Variants in C2orf66 observed in about 807,000 individuals in gnomAD.
C2orf66 encodes the protein uncharacterized protein C2orf66.
A neutral mutation model predicts 7.0 loss-of-function variants in C2orf66; 6 were observed. That is an observed-to-expected ratio of 0.86 (90% CI 0.47 to 1.69). The LOEUF is 1.69. Among genes scored for constraint, C2orf66 ranks in the 40% most tolerant of loss-of-function variants. The pLI is 0.01. For missense variants in C2orf66, 107 were observed against 112.0 expected, an observed-to-expected ratio of 0.96 and a Z score of 0.20; for synonymous variants, 38 against 43.8, an observed-to-expected ratio of 0.87 and a Z score of 0.52.
chr2:196,831,819 T>A, the C2orf66 span, among the ~76,000 whole-genome samples: 4 of 152,078 alleles, frequency 2.6e-5, no homozygotes, highest in African/African-American at 9.7e-5. Context: ...TTATCCCCCT[T>A]ATAAGGTTAT....
the C2orf66 span, among the ~76,000 whole-genome samples, chr2:196,814,716 G>C: frequency 1.3e-5 from 2 of 152,034 alleles, no homozygotes; most frequent in Non-Finnish European, 2.9e-5. Flanking sequence ...AGGAAATACT[G>C]GCTGAATAAA....
Position 196,805,368 on chromosome 2 carries a change from T to A in C2orf66, c.*60A>T, listed in dbSNP as rs997400774. The A allele has an allele frequency of 6.6e-6, 1 of 152,170 alleles. No individual in the cohort carries two copies. The highest frequency in any genetic ancestry group is 2.4e-5 in the African/African-American group (1 of 41,456). The allele number at this position is 152,170 out of a possible 1,614,324, so 9.4% of individuals were successfully genotyped here. ...AGCTATGACAATGGTTGAATTTTTC[T>A]AATGAGAAGCTTCATCTGTAGTTTT... On this transcript the variant is annotated 3_prime_UTR_variant, in exon 3 of 3. Transcript: ENST00000342506.
At chr2:196,807,375 G>T in intron 2 of C2orf66, 49 bp downstream of exon 2, 1 of 1,059,206 alleles carries the variant, frequency 9.4e-7, no homozygotes, top group Non-Finnish European at 1.4e-6. Context: ...TCTACTTTAT[G>T]GCTGACTTGT....
At chr2:196,805,601 G>C (rs1405301966) in intron 2 of C2orf66, among the ~76,000 whole-genome samples, 193 bp from the exon 3 acceptor site, 2 of 151,470 alleles carry the variant, frequency 1.3e-5, no homozygotes, top group African/African-American at 4.9e-5. Flanking sequence ...TTTCATAAAA[G>C]TAAATAATTC....
At chr2:196,820,927 G>C in the C2orf66 span, among the ~76,000 whole-genome samples, 1 of 152,182 alleles carries the variant, frequency 6.6e-6, no homozygotes, top group Admixed American at 6.5e-5. Flanking sequence ...TTATTTGGAA[G>C]AAAGGTCTTT....
chr2:196,826,808 A>T, the C2orf66 span, among the ~76,000 whole-genome samples: 4 of 152,218 alleles, frequency 2.6e-5, no homozygotes, highest in South Asian at 6.2e-4. Flanking sequence ...CGAGGTGGGC[A>T]GATCACGAGG....
At chr2:196,820,349 T>C in the C2orf66 span, among the ~76,000 whole-genome samples, 14 of 152,354 alleles carry the variant, frequency 9.2e-5, no homozygotes, top group South Asian at 2.3e-3. Context: ...CCATACGTCA[T>C]AGGAGATATC....
chr2:196,807,699 T>G, intron 1 of C2orf66, 77 bp from the exon 2 acceptor site: 1 of 1,221,988 alleles, frequency 8.2e-7, no homozygotes, highest in Non-Finnish European at 1.2e-6. Flanking sequence ...TTCCCTCTAT[T>G]TTTCCCCTGA....
At position 196,807,500 on chromosome 2, in the gene C2orf66, A is replaced by C. The variant is rs1290552205; in HGVS notation, c.246T>G (p.Ser82=). The C allele has an allele frequency of 1.9e-6, 3 of 1,613,212 alleles. No individual in the cohort carries two copies. In the African/African-American group the frequency reaches 4.0e-5, roughly 22 times the overall value. ...TCTGCTCTTCATAATCTGCAGATGC[A>C]GAAGCAGTAAGTTCTGACTGGAAAG... ...PLSFQSELTA[S]ASADYEEQKN... The change falls in exon 2 of 3, where the codon TCT becomes TCG. Residue 82 remains serine, a synonymous_variant. Coordinates refer to ENST00000342506, the MANE Select transcript of C2orf66 (RefSeq NM_213608.3).
chr2:196,810,105 G>A (rs1217486276), upstream of C2orf66: 1 of 152,164 alleles, frequency 6.6e-6, no homozygotes, highest in African/African-American at 2.4e-5. Flanking sequence ...CTTCTTCAGG[G>A]ATAAGCTTAT....
the C2orf66 span, among the ~76,000 whole-genome samples, chr2:196,817,204 T>A: frequency 6.6e-6 from 1 of 151,242 alleles, no homozygotes; most frequent in Non-Finnish European, 1.5e-5. Flanking sequence ...AGGGTCTATG[T>A]TCAGCAGTGC....
At chr2:196,817,122 G>T in the C2orf66 span, among the ~76,000 whole-genome samples, 1 of 151,590 alleles carries the variant, frequency 6.6e-6, no homozygotes, top group South Asian at 2.1e-4. Flanking sequence ...TAGGACAAGG[G>T]CAAAATCAGA....
At chr2:196,820,677 G>A in the C2orf66 span, among the ~76,000 whole-genome samples, 1 of 152,204 alleles carries the variant, frequency 6.6e-6, no homozygotes, top group Non-Finnish European at 1.5e-5. Context: ...AAATCTAGAT[G>A]TGTTTTCTTA....
At chr2:196,820,385 C>A in the C2orf66 span, among the ~76,000 whole-genome samples, 1 of 152,148 alleles carries the variant, frequency 6.6e-6, no homozygotes, top group Non-Finnish European at 1.5e-5. Context: ...ATGAAGAGCA[C>A]CTTGGGATTT....
chr2:196,825,222 C>CAAAAA, the C2orf66 span, among the ~76,000 whole-genome samples: 107 of 54,284 alleles, frequency 2.0e-3, 1 homozygote, highest in African/African-American at 6.8e-3. Flanking sequence ...GACTCTGTCT[C>CAAAAA]AAAAAAAAAA....
At chr2:196,823,171 G>C in the C2orf66 span, among the ~76,000 whole-genome samples, 51 of 152,142 alleles carry the variant, frequency 3.4e-4, no homozygotes, top group Non-Finnish European at 1.2e-4. Flanking sequence ...AAGGGTGGCC[G>C]TAAAGAGCTA....
upstream of C2orf66, among the ~76,000 whole-genome samples, chr2:196,814,075 T>A (rs1405668571): frequency 6.6e-6 from 1 of 152,240 alleles, no homozygotes; most frequent in Non-Finnish European, 1.5e-5. Context: ...TTACTGGGTA[T>A]ACACCCAAAG....
chr2:196,811,031 A>G (rs1197081132), upstream of C2orf66, among the ~76,000 whole-genome samples: 2 of 152,228 alleles, frequency 1.3e-5, no homozygotes, highest in Non-Finnish European at 2.9e-5. Context: ...TTCTGTGAAG[A>G]AATGACCTTA....
At chr2:196,810,739 C>T (rs1017878897), upstream of C2orf66, among the ~76,000 whole-genome samples, 1 of 152,212 alleles carries the variant, frequency 6.6e-6, no homozygotes, top group African/African-American at 2.4e-5. Context: ...TTACTATGAC[C>T]TCTGCCCTTC....
Sources: gnomAD v4.1 joint callset for allele counts (sites outside exome capture counted in the v4.1 genomes callset) on GRCh38, gnomAD v4.1.1 for gene constraint, MANE v1.5 for transcripts, NCBI Gene and HGNC (gene_info 2026-07-23, HGNC 2026-07-21) for gene names.